Variants in IL2RB observed in about 807,000 individuals in gnomAD.
IL2RB encodes interleukin-2 receptor subunit beta.
A neutral mutation model predicts 44.2 loss-of-function variants in IL2RB; 17 were observed. The ratio of observed to expected loss-of-function variants is 0.38; its 90% confidence interval spans 0.26 to 0.58. IL2RB has a LOEUF of 0.58. Ranked by LOEUF, IL2RB falls within the 20% of genes least tolerant of loss-of-function variation. IL2RB has a pLI of 0.63. For synonymous variants in IL2RB, 286 were observed against 297.9 expected (o/e 0.96, Z 0.41); for missense variants, 624 against 685.5 (o/e 0.91, Z 1.00).
upstream of IL2RB, among the ~76,000 whole-genome samples, chr22:37,152,689 C>A (rs374119226): frequency 6.6e-6 from 1 of 152,110 alleles, no homozygotes; most frequent in African/African-American, 2.4e-5. Flanking sequence ...TGGTTCCTAA[C>A]CCTTCTCCCC....
chr22:37,149,245 G>T (rs1022176696), intron 1 of IL2RB, among the ~76,000 whole-genome samples: 5 of 152,198 alleles, frequency 3.3e-5, no homozygotes, highest in African/African-American at 1.2e-4. Flanking sequence ...AGCCAAGGGA[G>T]GGACAAACCC....
chr22:37,143,916 T>TGC lies in IL2RB; in HGVS notation c.88+168_88+169insGC, dbSNP rs1193119581. Among the ~76,000 whole-genome samples the TGC allele has an allele frequency of 9.3e-4, 116 of 124,576 alleles. 1 individual carries two copies. The highest frequency in any genetic ancestry group is 8.0e-3 in the Middle Eastern group (2 of 250). The allele number at this position is 124,576 out of a possible 152,430, so 81.7% of individuals were successfully genotyped here. On this transcript the variant is annotated intron_variant, in intron 2 of 9. Transcript: ENST00000216223. ...GTGTGTGTGTGTGTGTGTGTGTGTG[T>TGC]GTGCGCGCATTCATGCATGCATGCC...
At chr22:37,153,040 T>C (rs1233383513), upstream of IL2RB, among the ~76,000 whole-genome samples, 1 of 148,552 alleles carries the variant, frequency 6.7e-6, no homozygotes, top group Non-Finnish European at 1.5e-5. Context: ...GTTCAAGCGA[T>C]TCTCCTGCCT....
Position 37,136,222 on chromosome 22 carries a change from C to G in IL2RB, c.703+6G>C, listed in dbSNP as rs1302177806. ...GCCCCCTCTCACCCTTGCCGCCCAC[C>G]AGTACCTGCAGGCTTTGTCCTGAAG... On this transcript the variant is annotated splice_donor_region_variant and intron_variant, in intron 7 of 9. Transcript: ENST00000216223. 3.1e-6 allele frequency: 5 copies of G among 1,607,266 alleles called. No individual in the cohort carries two copies. The highest frequency in any genetic ancestry group is 4.2e-6 in the Non-Finnish European group (5 of 1,177,876).
chr22:37,171,336 C>T (rs1321594370), intron 1 of IL2RB, among the ~76,000 whole-genome samples: 1 of 152,130 alleles, frequency 6.6e-6, no homozygotes, highest in Non-Finnish European at 1.5e-5. Context: ...GTGCCAAACC[C>T]TTTTTCTAGA....
rs535709097 is a variant in IL2RB, at chr22:37,158,557, A to G, written c.-33-14352T>C. Among the ~76,000 whole-genome samples the G allele has an allele frequency of 2.0e-5, 3 of 151,634 alleles. No individual in the cohort carries two copies. The East Asian group carries it at 5.8e-4, about 30-fold the overall frequency. Reference sequence around the variant, plus strand: ...TGGGTGACTGAGCAAGACTCCGTCTAAAAAAAATAGGAAGGGGAGGCTCTC... The same window carrying G: ...TGGGTGACTGAGCAAGACTCCGTCTGAAAAAAATAGGAAGGGGAGGCTCTC... On this transcript the variant is annotated intron_variant, in intron 1 of 5. Transcript: ENST00000429622.
chr22:37,160,877 C>A (rs1922843170), intron 1 of IL2RB, among the ~76,000 whole-genome samples: 3 of 151,498 alleles, frequency 2.0e-5, no homozygotes, highest in Admixed American at 2.0e-4. Context: ...TGCGGTGGCT[C>A]ACACCTGTAA....
At chr22:37,148,448 G>T (rs942989810) in intron 1 of IL2RB, among the ~76,000 whole-genome samples, 1 of 152,144 alleles carries the variant, frequency 6.6e-6, no homozygotes, top group Non-Finnish European at 1.5e-5. Flanking sequence ...ACCCACACGT[G>T]CCCTGTCGTT....
At chr22:37,154,178 GC>G (rs1922591105), upstream of IL2RB, among the ~76,000 whole-genome samples, 1 of 152,204 alleles carries the variant, frequency 6.6e-6, no homozygotes. Flanking sequence ...GGATGGTGCA[GC>G]CCCCACATAC....
At position 37,141,245 on chromosome 22, in the gene IL2RB, G is replaced by C. The variant is rs977868237; in HGVS notation, c.282+1189C>G. ...CTCAGGGGCCCTGGTCCAAACCCAA[G>C]CCTCCAGGTGATCTTGCAAGCAGGG... On this transcript the variant is annotated intron_variant, in intron 4 of 9. Coordinates refer to ENST00000216223, the MANE Select transcript of IL2RB (RefSeq NM_000878.5). This position sits in a 1 kb window ranked among gnomAD's most constrained non-coding sequence, Gnocchi z 4.4. 2.6e-5 allele frequency among the ~76,000 whole-genome samples: 4 copies of C among 151,792 alleles called. No homozygotes were observed. The highest frequency in any genetic ancestry group is 5.9e-5 in the Non-Finnish European group (4 of 67,938).
intron 8 of IL2RB, 64 bp downstream of exon 8, chr22:37,135,264 G>A (rs893119583): frequency 9.8e-6 from 10 of 1,016,986 alleles, no homozygotes; most frequent in Admixed American, 1.7e-5. Flanking sequence ...GTGTGCATGT[G>A]TGTGCATGTG....
intron 9 of IL2RB, among the ~76,000 whole-genome samples, chr22:37,131,822 C>A (rs1012692208): frequency 6.6e-6 from 1 of 151,988 alleles, no homozygotes; most frequent in Non-Finnish European, 1.5e-5. Context: ...CTGTAACCTC[C>A]GCCTCCTGGG....
upstream of IL2RB, chr22:37,150,004 G>A (rs1019803697): frequency 1.1e-5 from 8 of 713,926 alleles, no homozygotes; most frequent in South Asian, 6.3e-5. Flanking sequence ...GTGGAGAGGC[G>A]GGGAGACGAG....
At chr22:37,142,912 C>A (rs1260053597) in intron 3 of IL2RB, among the ~76,000 whole-genome samples, 1 of 151,934 alleles carries the variant, frequency 6.6e-6, no homozygotes, top group Non-Finnish European at 1.5e-5. Context: ...CTTACCCCTC[C>A]ATCTCCCTCC....
intron 1 of IL2RB, among the ~76,000 whole-genome samples, chr22:37,144,767 C>G (rs1365352630): frequency 6.6e-6 from 1 of 152,040 alleles, no homozygotes; most frequent in East Asian, 1.9e-4. Flanking sequence ...AAAGAAGCAC[C>G]CTTTGTTACT....
chr22:37,164,598 C>T (rs958518063), intron 1 of IL2RB, among the ~76,000 whole-genome samples: 2 of 152,054 alleles, frequency 1.3e-5, no homozygotes, highest in Non-Finnish European at 2.9e-5. Context: ...CCACCTCTCC[C>T]CACTGGGCCT....
intron 6 of IL2RB, among the ~76,000 whole-genome samples, chr22:37,136,704 G>C (rs1921723182): frequency 6.6e-6 from 1 of 152,038 alleles, no homozygotes; most frequent in African/African-American, 2.4e-5. Flanking sequence ...CAAGCCTGCA[G>C]CTGGTCTCTG....
At chr22:37,151,210 C>A (rs1325748136), upstream of IL2RB, among the ~76,000 whole-genome samples, 1 of 152,188 alleles carries the variant, frequency 6.6e-6, no homozygotes, top group African/African-American at 2.4e-5. Context: ...CGAGAGTTCC[C>A]TTTTCTCCCC....
rs144214539 is a variant in IL2RB at position 37,143,192 on chromosome 22, C to T, written c.203+329G>A. ...GGGGACCCTCCTTTCTCCCCACTTC[C>T]TCTCTGCTTGCCTCTAGAGTGGAGT... is the stretch of plus-strand genomic sequence containing the variant. On this transcript the variant is annotated intron_variant, in intron 3 of 9. Transcript: ENST00000216223. Among the ~76,000 whole-genome samples, 31 of 152,248 alleles carry T rather than the reference C, an allele frequency of 2.0e-4. 1 individual carries two copies. In the East Asian group the frequency reaches 5.4e-3, roughly 27 times the overall value.
Sources: allele counts gnomAD v4.1 joint callset (sites outside exome capture counted in the v4.1 genomes callset), GRCh38; gene constraint gnomAD v4.1.1; non-coding constraint Gnocchi (gnomAD v3.1); transcripts MANE v1.5; gene names NCBI Gene and HGNC (gene_info 2026-07-23, HGNC 2026-07-21).